RBFOX3: variants seen among roughly 807,000 people sequenced by gnomAD.
RBFOX3 encodes the protein RNA binding fox-1 homolog 3.
In RBFOX3, 17 loss-of-function variants were observed where a neutral mutation model predicts 48.7. That is an observed-to-expected ratio of 0.35 (90% confidence interval 0.24 to 0.52). The LOEUF (loss-of-function observed/expected upper bound fraction) is 0.52. Among genes scored for constraint, RBFOX3 ranks in the 20% least tolerant of loss-of-function variants. The pLI is 0.94. For missense variants in RBFOX3, 382 were observed against 497.5 expected, an observed-to-expected ratio of 0.77 and a Z score of 2.21; for synonymous variants, 212 against 209.5, an observed-to-expected ratio of 1.01 and a Z score of -0.10.
At chr17:79,326,053 C>G (rs919059964) in intron 2 of RBFOX3, among the ~76,000 whole-genome samples, 12 of 152,216 alleles carry the variant, frequency 7.9e-5, no homozygotes, top group Admixed American at 5.2e-4. Flanking sequence ...GCATCCTTTC[C>G]TACCACCGAA....
At chr17:79,462,670 T>C (rs1288999268) in intron 2 of RBFOX3, among the ~76,000 whole-genome samples, 1 of 152,132 alleles carries the variant, frequency 6.6e-6, no homozygotes, top group Non-Finnish European at 1.5e-5. Flanking sequence ...AGTGCTGAGG[T>C]TGAGAAGTCC....
At position 79,500,681 on chromosome 17, in the gene RBFOX3, A is replaced by G. The variant is rs1339242495; in HGVS notation, c.-319-18083T>C. ...TTTCCCGTATCAAAAGACATTGATT[A>G]TGAAACGTCTAGTTCTGTCTCCCTT... On this transcript the variant is annotated intron_variant, in intron 1 of 14. Coordinates refer to ENST00000693108, the MANE Select transcript of RBFOX3 (RefSeq NM_001350451.2). Among the ~76,000 whole-genome samples the G allele has an allele frequency of 2.6e-5, 4 of 152,086 alleles. No homozygotes were observed. The East Asian group carries it at 7.7e-4, about 29-fold the overall frequency.
At chr17:79,140,431 A>G (rs777993049) in intron 4 of RBFOX3, among the ~76,000 whole-genome samples, 31 of 152,134 alleles carry the variant, frequency 2.0e-4, no homozygotes, top group Non-Finnish European at 3.5e-4. Flanking sequence ...CCAATCACAC[A>G]CCTGTCTCCA....
intron 2 of RBFOX3, among the ~76,000 whole-genome samples, chr17:79,344,397 A>G (rs2082555016): frequency 6.6e-6 from 1 of 152,032 alleles, no homozygotes; most frequent in South Asian, 2.1e-4. Context: ...CGATTCTACA[A>G]GCACCAATAA....
At chr17:79,625,206 C>A in the RBFOX3 span, among the ~76,000 whole-genome samples, 1 of 152,264 alleles carries the variant, frequency 6.6e-6, no homozygotes, top group South Asian at 2.1e-4. Context: ...GCCTTGCTGT[C>A]TGTCCCTGTA....
intron 2 of RBFOX3, among the ~76,000 whole-genome samples, chr17:79,426,231 A>AGTCCG (rs2067354828): frequency 6.6e-6 from 1 of 152,170 alleles, no homozygotes; most frequent in Non-Finnish European, 1.5e-5. Context: ...GCAGCATCCC[A>AGTCCG]GTCCTTTGTC....
rs4239029 is a variant in RBFOX3, at chr17:79,418,155, A to G, written c.-175+64299T>C. Reference sequence around the variant, plus strand: ...TGGATGGTGATGGCCGCACAACAAGATGAATGTACTTAATGCCACTGAACA... The same window carrying G: ...TGGATGGTGATGGCCGCACAACAAGGTGAATGTACTTAATGCCACTGAACA... On this transcript the variant is annotated intron_variant, in intron 2 of 14. Transcript: ENST00000693108. This position sits in a 1 kb window ranked among gnomAD's most constrained non-coding sequence, Gnocchi z 5.0. 0.96 allele frequency among the ~76,000 whole-genome samples: 146,396 copies of G among 152,298 alleles called. 70,643 individuals are homozygous for G. Among genetic ancestry groups the G allele is most frequent in the East Asian group, 1 (5,184 of 5,184 alleles).
At chr17:79,549,941 C>CA (rs1330147998) in intron 1 of RBFOX3, among the ~76,000 whole-genome samples, 68 of 150,664 alleles carry the variant, frequency 4.5e-4, no homozygotes, top group South Asian at 4.2e-3. Context: ...CCACACACAC[C>CA]AAAAAAAAAC....
chr17:79,127,844 C>A (rs1425843204), intron 4 of RBFOX3, among the ~76,000 whole-genome samples: 2 of 152,158 alleles, frequency 1.3e-5, no homozygotes, highest in Non-Finnish European at 2.9e-5. Context: ...AGATGAAAGG[C>A]GTCTCAGAGA....
intron 3 of RBFOX3, among the ~76,000 whole-genome samples, chr17:79,300,809 G>A (rs1170793696): frequency 6.6e-6 from 1 of 152,188 alleles, no homozygotes; most frequent in Non-Finnish European, 1.5e-5. Context: ...TGAGGCACCT[G>A]GGGCTGCACT....
At chr17:79,639,079 C>A in the RBFOX3 span, among the ~76,000 whole-genome samples, 110 of 152,208 alleles carry the variant, frequency 7.2e-4, no homozygotes, top group African/African-American at 2.3e-3. Context: ...TTATATGGAA[C>A]AATCAAAGAA....
chr17:79,503,711 T>C (rs1238113362), intron 1 of RBFOX3, among the ~76,000 whole-genome samples: 3 of 152,100 alleles, frequency 2.0e-5, no homozygotes, highest in African/African-American at 7.2e-5. Flanking sequence ...GGCCCCACTA[T>C]GGTTGTAGGG....
chr17:79,513,146 A>G (rs935541588), intron 1 of RBFOX3, among the ~76,000 whole-genome samples: 19 of 150,046 alleles, frequency 1.3e-4, no homozygotes, highest in African/African-American at 4.7e-4. Flanking sequence ...CATCAAGTAC[A>G]GTCCTATAGC....
At chr17:79,340,400 A>T (rs1438258064) in intron 2 of RBFOX3, among the ~76,000 whole-genome samples, 1 of 152,148 alleles carries the variant, frequency 6.6e-6, no homozygotes, top group African/African-American at 2.4e-5. Context: ...CCCACCTCCC[A>T]GAAGTGAAAG....
At chr17:79,157,427 C>A (rs2046059369) in intron 4 of RBFOX3, among the ~76,000 whole-genome samples, 1 of 152,208 alleles carries the variant, frequency 6.6e-6, no homozygotes, top group Non-Finnish European at 1.5e-5. Flanking sequence ...CTGATCAGGA[C>A]CCTCCGAGGG....
intron 4 of RBFOX3, among the ~76,000 whole-genome samples, chr17:79,137,950 T>A (rs936109587): frequency 6.6e-6 from 1 of 152,176 alleles, no homozygotes; most frequent in Non-Finnish European, 1.5e-5. Context: ...ACTCCATTTT[T>A]AAACATCTTC....
rs1227002722 is a variant in RBFOX3 at position 79,480,252 on chromosome 17, G to T, written c.-175+2202C>A. Reference sequence around the variant, plus strand: ...TGATGGTTTACGGAATGGGGTGACAGCCGTTTCAGCAGAGGAGGGGAGTTG... The same window carrying T: ...TGATGGTTTACGGAATGGGGTGACATCCGTTTCAGCAGAGGAGGGGAGTTG... On this transcript the variant is annotated intron_variant, in intron 2 of 14. Coordinates refer to ENST00000693108, the MANE Select transcript of RBFOX3 (RefSeq NM_001350451.2). This position sits in a 1 kb window ranked among gnomAD's most constrained non-coding sequence, Gnocchi z 4.8. Among the ~76,000 whole-genome samples, 13 of 152,164 alleles carry T rather than the reference G, an allele frequency of 8.5e-5. No individual in the cohort carries two copies. Among genetic ancestry groups the T allele is most frequent in the African/African-American group, 2.7e-4 (11 of 41,436 alleles).
At chr17:79,412,494 T>C (rs989023823) in intron 2 of RBFOX3, among the ~76,000 whole-genome samples, 1 of 151,876 alleles carries the variant, frequency 6.6e-6, no homozygotes, top group African/African-American at 2.4e-5. Flanking sequence ...TGTATACATG[T>C]ATGAGGGTAT....
At chr17:79,571,162 T>C (rs2092664937) in intron 1 of RBFOX3, among the ~76,000 whole-genome samples, 1 of 152,228 alleles carries the variant, frequency 6.6e-6, no homozygotes, top group Non-Finnish European at 1.5e-5. Context: ...ACTAACAATC[T>C]GGTAGCATCA....
Sources: gnomAD v4.1 joint callset for allele counts (sites outside exome capture counted in the v4.1 genomes callset) on GRCh38, gnomAD v4.1.1 for gene constraint, Gnocchi (gnomAD v3.1) non-coding constraint, MANE v1.5 for transcripts, NCBI Gene and HGNC (gene_info 2026-07-23, HGNC 2026-07-21) for gene names.